The following OCA2 variants were observed in gnomAD, a reference collection of about 807,000 sequenced individuals.
OCA2 encodes OCA2 melanosomal transmembrane protein, also known as P protein.
In OCA2, 77 loss-of-function variants were observed where a neutral mutation model predicts 100.2. The observed-to-expected ratio is 0.77, with a 90% CI of 0.64 to 0.93. The LOEUF (loss-of-function observed/expected upper bound fraction) is 0.93, where lower values mean the gene tolerates loss of function less well. OCA2 is among the 40% of genes least tolerant of loss of function. The pLI, the probability that OCA2 is intolerant of heterozygous loss-of-function variation, is 0.00. For synonymous variants in OCA2, 432 were observed against 439.2 expected (o/e 0.98, Z 0.21); for missense variants, 1,062 against 1,089.1 (o/e 0.98, Z 0.35).
At chr15:27,935,328 C>A (rs548293287) in intron 18 of OCA2, among the ~76,000 whole-genome samples, 1 of 152,308 alleles carries the variant, frequency 6.6e-6, no homozygotes, top group East Asian at 1.9e-4. Context: ...TGCCATTTCT[C>A]AACTCAAAAA....
At chr15:27,719,962 A>G in the OCA2 span, among the ~76,000 whole-genome samples, 1 of 152,006 alleles carries the variant, frequency 6.6e-6, no homozygotes, top group African/African-American at 2.4e-5. Context: ...TTCTCTCCCA[A>G]ACCTTCCCCT....
At chr15:27,966,972 T>C (rs1238287317) in intron 14 of OCA2, 150 bp from the exon 15 acceptor site, 10 of 884,554 alleles carry the variant, frequency 1.1e-5, no homozygotes, top group African/African-American at 1.7e-5. Flanking sequence ...TACTAAAAAA[T>C]ACAAAAAATT....
chr15:27,913,905 AAGCAAGCAAGCAAGCAAGC>A lies in OCA2; in HGVS notation c.2079+12203_2079+12221del, dbSNP rs1433086693. Among the ~76,000 whole-genome samples the A allele has an allele frequency of 2.6e-3, 116 of 44,156 alleles. 15 individuals are homozygous for A. The highest frequency in any genetic ancestry group is 0.01 in the African/African-American group (92 of 9,138). The allele number at this position is 44,156 out of a possible 152,430, so 29.0% of individuals were successfully genotyped here. On this transcript the variant is annotated intron_variant, in intron 19 of 23. Transcript: ENST00000354638. Reference sequence around the variant, plus strand: ...AAAGAAAGAAAGAAAGCAAGCAAGCAAGCAAGCAAGCAAGCAAGCAAGCAAGAAAGAAAGAAAAAAATTT... The same window carrying A: ...AAAGAAAGAAAGAAAGCAAGCAAGCAAAGCAAGAAAGAAAGAAAAAAATTT...
At chr15:28,026,386 C>T (rs527709665) in intron 4 of OCA2, among the ~76,000 whole-genome samples, 32 of 152,348 alleles carry the variant, frequency 2.1e-4, no homozygotes, top group African/African-American at 7.0e-4. Flanking sequence ...CGTTTGCCAT[C>T]TTGTTGACCC....
At chr15:27,999,104 A>G (rs2041847477) in intron 9 of OCA2, among the ~76,000 whole-genome samples, 1 of 151,998 alleles carries the variant, frequency 6.6e-6, no homozygotes, top group Non-Finnish European at 1.5e-5. Flanking sequence ...ATGCTAAATG[A>G]CGAGTTAATG....
rs1173973077 is a variant in OCA2, at chr15:28,011,923, G to GA, written c.1044+2852dup. On this transcript the variant is annotated intron_variant, in intron 9 of 23. Coordinates refer to ENST00000354638, the MANE Select transcript of OCA2 (RefSeq NM_000275.3). ...CAGAGGGAGACTCCATCTCAAAAAA[G>GA]AAAAAAAAAGGCCGGCACTGTGGCT... 1.0e-4 allele frequency among the ~76,000 whole-genome samples: 9 copies of GA among 87,100 alleles called. No homozygotes were observed. The South Asian group carries it at 1.9e-3, about 18-fold the overall frequency. 57.1% of individuals were successfully genotyped at this position (87,100 alleles called of 152,430 possible).
intron 23 of OCA2, among the ~76,000 whole-genome samples, chr15:27,842,920 C>G (rs2035394652): frequency 6.6e-6 from 1 of 152,220 alleles, no homozygotes; most frequent in South Asian, 2.1e-4. Flanking sequence ...CCCACTGGAG[C>G]TGAACCTCAG....
rs186445807 is a variant in OCA2 at position 27,937,435 on chromosome 15, A to G, written c.1952-11181T>C. Among the ~76,000 whole-genome samples the G allele has an allele frequency of 5.4e-4, 82 of 152,336 alleles. 1 individual carries two copies. The East Asian group carries it at 9.3e-3, about 17-fold the overall frequency. On this transcript the variant is annotated intron_variant, in intron 18 of 23. Transcript: ENST00000354638. Reference sequence around the variant, plus strand: ...GCATACCACTGTGAACAAAATTACTAAGCAGAAGATATACATTGTTCTAAA... The same window carrying G: ...GCATACCACTGTGAACAAAATTACTGAGCAGAAGATATACATTGTTCTAAA...
At position 27,853,756 on chromosome 15, in the gene OCA2, C is replaced by A. The variant is rs79679247; in HGVS notation, c.2245-2281G>T. Reference sequence around the variant, plus strand: ...GAGCCCACAGGGTGTGAAGGAGAGACCCCTGGGCCCGCCATCCCGGGCAGT... The same window carrying A: ...GAGCCCACAGGGTGTGAAGGAGAGAACCCTGGGCCCGCCATCCCGGGCAGT... On this transcript the variant is annotated intron_variant, in intron 21 of 23. Coordinates refer to ENST00000354638, the MANE Select transcript of OCA2 (RefSeq NM_000275.3). Among the ~76,000 whole-genome samples, 669 of 152,102 alleles carry A rather than the reference C, an allele frequency of 4.4e-3. 3 individuals are homozygous for A. Among genetic ancestry groups the A allele is most frequent in the Middle Eastern group, 0.037 (11 of 294 alleles).
chr15:27,925,575 A>C (rs1026161301), intron 19 of OCA2, among the ~76,000 whole-genome samples: 1 of 152,228 alleles, frequency 6.6e-6, no homozygotes, highest in Admixed American at 6.5e-5. Context: ...AGAAATGCAA[A>C]GAAGTGGTGC....
intron 21 of OCA2, among the ~76,000 whole-genome samples, chr15:27,855,723 G>A (rs2035923776): frequency 6.6e-6 from 1 of 152,184 alleles, no homozygotes; most frequent in Non-Finnish European, 1.5e-5. Context: ...CTAGATACAA[G>A]AGACAGACAG....
At chr15:27,804,072 T>C (rs1416137626) in intron 23 of OCA2, among the ~76,000 whole-genome samples, 2 of 152,200 alleles carry the variant, frequency 1.3e-5, no homozygotes. Context: ...TGTAATTTAT[T>C]GTATGTCAAT....
intron 19 of OCA2, chr15:27,896,453 G>A (rs1465094882): frequency 3.1e-6 from 2 of 640,314 alleles, no homozygotes; most frequent in African/African-American, 1.8e-5. Context: ...CCATCTAGGA[G>A]AAGAAGCCCA....
chr15:27,989,461 T>C (rs1173860644), intron 11 of OCA2, 140 bp downstream of exon 11: 4 of 739,888 alleles, frequency 5.4e-6, no homozygotes, highest in East Asian at 5.4e-5. Flanking sequence ...AGGAGATTCA[T>C]GAGACCTGCA....
intron 11 of OCA2, among the ~76,000 whole-genome samples, 175 bp from the exon 12 acceptor site, chr15:27,986,818 C>T (rs2041370244): frequency 6.6e-6 from 1 of 152,184 alleles, no homozygotes; most frequent in Non-Finnish European, 1.5e-5. Context: ...CACTCACTCA[C>T]TCCTTGAATG....
Position 27,785,227 on chromosome 15 carries a change from A to T in OCA2, c.2433-29755T>A, listed in dbSNP as rs556085840. On this transcript the variant is annotated intron_variant, in intron 23 of 23. Coordinates refer to ENST00000354638, the MANE Select transcript of OCA2 (RefSeq NM_000275.3). ...ACAAAATTCTATGCACAGCAAAAAA[A>T]ATACATTTCAAAAATAAAGCAGACG... 6.0e-3 allele frequency among the ~76,000 whole-genome samples: 915 copies of T among 152,306 alleles called. 16 individuals carry two copies. The highest frequency in any genetic ancestry group is 0.02 in the African/African-American group (851 of 41,570).
intron 1 of OCA2, among the ~76,000 whole-genome samples, chr15:28,094,997 C>T (rs2141975057): frequency 6.6e-6 from 1 of 152,380 alleles, no homozygotes; most frequent in East Asian, 1.9e-4. Flanking sequence ...CGTACAGGAG[C>T]CTGGGTCACC....
At chr15:27,877,885 T>G (rs1380870620) in intron 19 of OCA2, among the ~76,000 whole-genome samples, 2 of 151,906 alleles carry the variant, frequency 1.3e-5, no homozygotes, top group Non-Finnish European at 2.9e-5. Context: ...ATTTATTTTC[T>G]GTTTGTCTCT....
intron 19 of OCA2, among the ~76,000 whole-genome samples, chr15:27,914,766 T>G (rs1355705925): frequency 6.6e-6 from 1 of 152,024 alleles, no homozygotes; most frequent in Admixed American, 6.6e-5. Flanking sequence ...AGAATCAATA[T>G]TATTAAAATG....
Sources: gnomAD v4.1 joint callset for allele counts (sites outside exome capture counted in the v4.1 genomes callset) on GRCh38, gnomAD v4.1.1 for gene constraint, MANE v1.5 for transcripts, NCBI Gene and HGNC (gene_info 2026-07-23, HGNC 2026-07-21) for gene names.